The following FAM185A variants were observed in gnomAD, a reference collection of about 807,000 sequenced individuals.
FAM185A encodes family with sequence similarity 185 member A.
Under a neutral mutation model 45.7 loss-of-function variants are expected in FAM185A, and 21 were observed. The observed-to-expected ratio is 0.46, with a 90% CI of 0.33 to 0.66. The LOEUF (loss-of-function observed/expected upper bound fraction) is 0.66, where lower values mean the gene tolerates loss of function less well. Ranked by LOEUF, FAM185A falls within the 30% of genes least tolerant of loss-of-function variation. The pLI is 0.03. For missense variants in FAM185A, 305 were observed against 485.4 expected (o/e 0.63, Z 3.49); for synonymous variants, 117 against 194.0 (o/e 0.60, Z 3.30).
the FAM185A span, among the ~76,000 whole-genome samples, chr7:102,838,608 C>T: frequency 3.9e-5 from 6 of 152,070 alleles, no homozygotes; most frequent in South Asian, 8.3e-4. Flanking sequence ...ATTGCTTTGC[C>T]CTGAGATGCT....
chr7:102,822,362 C>G, the FAM185A span: 1 of 765,146 alleles, frequency 1.3e-6, no homozygotes, highest in Non-Finnish European at 2.3e-6. Flanking sequence ...AAGTCCAAGA[C>G]TGAGATAAAG....
At chr7:102,837,169 G>A in the FAM185A span, among the ~76,000 whole-genome samples, 1 of 152,232 alleles carries the variant, frequency 6.6e-6, no homozygotes, top group Non-Finnish European at 1.5e-5. Flanking sequence ...CAATGGCCTT[G>A]TTCCCACTGG....
chr7:102,821,104 A>G, the FAM185A span, among the ~76,000 whole-genome samples: 1 of 152,232 alleles, frequency 6.6e-6, no homozygotes, highest in Non-Finnish European at 1.5e-5. Context: ...CATCTTGCTG[A>G]AAGTTGTCTG....
At chr7:102,815,647 A>G in the FAM185A span, among the ~76,000 whole-genome samples, 1 of 152,178 alleles carries the variant, frequency 6.6e-6, no homozygotes, top group Non-Finnish European at 1.5e-5. Flanking sequence ...GACCTATAGG[A>G]AAAGGAAATG....
At chr7:102,833,022 G>C in the FAM185A span, 3 of 1,602,076 alleles carry the variant, frequency 1.9e-6, no homozygotes, top group South Asian at 1.1e-5. Context: ...TAGTCATCTA[G>C]AACTGTCTTA....
chr7:102,830,455 C>G, the FAM185A span, among the ~76,000 whole-genome samples: 1 of 152,198 alleles, frequency 6.6e-6, no homozygotes, highest in Non-Finnish European at 1.5e-5. Context: ...GTCAGTTGGT[C>G]AGCGCTTCTA....
At chr7:102,783,861 C>T (rs1266043906) in intron 6 of FAM185A, among the ~76,000 whole-genome samples, 2 of 152,008 alleles carry the variant, frequency 1.3e-5, no homozygotes, top group East Asian at 1.9e-4. Context: ...AATAGAGACA[C>T]AAAAAACCCT....
the FAM185A span, among the ~76,000 whole-genome samples, chr7:102,832,606 T>C: frequency 6.6e-6 from 1 of 152,244 alleles, no homozygotes; most frequent in Non-Finnish European, 1.5e-5. Context: ...AAAGAAATCT[T>C]TGACACATGT....
At chr7:102,807,680 G>A (rs75366529) in intron 7 of FAM185A, among the ~76,000 whole-genome samples, 1 of 151,582 alleles carries the variant, frequency 6.6e-6, no homozygotes, top group Middle Eastern at 3.4e-3. Flanking sequence ...TTGGGAGGCC[G>A]AGGCGGGTGG....
intron 7 of FAM185A, among the ~76,000 whole-genome samples, chr7:102,803,655 C>A (rs960553890): frequency 3.3e-5 from 5 of 151,812 alleles, no homozygotes; most frequent in Non-Finnish European, 7.4e-5. Context: ...CACTCCTCTT[C>A]AACACAGTAC....
chr7:102,787,451 G>A lies in FAM185A; in HGVS notation c.1048G>A (p.Asp350Asn), dbSNP rs1248477762. 6 of 1,532,116 alleles carry A rather than the reference G, an allele frequency of 3.9e-6. No homozygotes were observed. In the Admixed American group the frequency reaches 7.9e-5, roughly 20 times the overall value. The allele number at this position is 1,532,116 out of a possible 1,614,324, so 94.9% of individuals were successfully genotyped here. ...VQEMAEVRKD[D>N]VVTVTGLMNQ... ...GGAAATGGCTGAAGTTCGTAAAGAT[G>A]ATGTTGTAACAGTGACTGGTAAGGA... Residue 350 changes from aspartate (D) to asparagine (N), a missense_variant, in exon 7 of 8, where the codon GAT becomes AAT. This residue lies in a region of FAM185A where 66 missense variants were observed against 74.6 expected (regional missense o/e 0.89). Transcript: ENST00000413034.
the FAM185A span, chr7:102,832,851 C>T: frequency 6.2e-7 from 1 of 1,614,048 alleles, no homozygotes; most frequent in Non-Finnish European, 8.5e-7. Context: ...TTTGGACAGC[C>T]AGCAATGCTG....
At chr7:102,786,567 CTA>C (rs1449838412) in intron 6 of FAM185A, among the ~76,000 whole-genome samples, 15 of 152,138 alleles carry the variant, frequency 9.9e-5, no homozygotes, top group Non-Finnish European at 2.9e-5. Flanking sequence ...TCTCAGCAAA[CTA>C]TCGCAAGGAC....
chr7:102,817,129 T>C, the FAM185A span, among the ~76,000 whole-genome samples: 1 of 152,230 alleles, frequency 6.6e-6, no homozygotes, highest in Non-Finnish European at 1.5e-5. Flanking sequence ...TACCCAGTAG[T>C]GGGATTACTG....
At chr7:102,837,404 A>G in the FAM185A span, among the ~76,000 whole-genome samples, 1 of 152,198 alleles carries the variant, frequency 6.6e-6, no homozygotes, top group Non-Finnish European at 1.5e-5. Flanking sequence ...GACCAAAACA[A>G]ATATTTCCAA....
downstream of FAM185A, chr7:102,813,263 G>T: frequency 1.6e-6 from 2 of 1,274,304 alleles, no homozygotes; most frequent in Non-Finnish European, 1.1e-6. Flanking sequence ...TTGAGATTCA[G>T]CTAGTAAACA....
chr7:102,822,126 C>T, the FAM185A span: 7 of 1,614,078 alleles, frequency 4.3e-6, no homozygotes, highest in East Asian at 2.2e-5. Flanking sequence ...GGTCAGTAAG[C>T]AAGACACAAC....
At chr7:102,818,211 C>A in the FAM185A span, among the ~76,000 whole-genome samples, 109 of 152,298 alleles carry the variant, frequency 7.2e-4, no homozygotes, top group African/African-American at 2.4e-3. Flanking sequence ...AAACAGAGCA[C>A]GTGTCTACCC....
the FAM185A span, among the ~76,000 whole-genome samples, chr7:102,838,356 GC>G: frequency 6.6e-6 from 1 of 152,106 alleles, no homozygotes; most frequent in African/African-American, 2.4e-5. Context: ...CACATAGTTA[GC>G]AGTCAGTAGA....
Sources: gnomAD v4.1 joint callset for allele counts (sites outside exome capture counted in the v4.1 genomes callset) on GRCh38, gnomAD v4.1.1 for gene constraint, gnomAD v4.1.1 regional missense constraint, MANE v1.5 for transcripts, NCBI Gene and HGNC (gene_info 2026-07-23, HGNC 2026-07-21) for gene names.